The following RSAD2 variants were observed in gnomAD, a reference collection of about 807,000 sequenced individuals.
RSAD2 encodes the protein radical S-adenosyl methionine domain containing 2.
RSAD2 carries 38 observed loss-of-function variants against 37.7 expected under a neutral mutation model. That is an observed-to-expected ratio of 1.01 (90% CI 0.78 to 1.32). The LOEUF is 1.32. Ranked by LOEUF, RSAD2 falls within the 40% of genes most tolerant of loss-of-function variation. The probability of loss-of-function intolerance (pLI) is 0.00; values close to 1 mark genes in which losing one functional copy is unlikely to be tolerated. For missense variants in RSAD2, 428 were observed against 437.5 expected (o/e 0.98, Z 0.19); for synonymous variants, 163 against 157.4 (o/e 1.04, Z -0.27).
chr2:6,896,847 G>C lies in RSAD2; in HGVS notation c.*905G>C, dbSNP rs1461819288. 6.6e-6 allele frequency: 1 copy of C among 152,102 alleles called. No homozygotes were observed. Among genetic ancestry groups the C allele is most frequent in the Non-Finnish European group, 1.5e-5 (1 of 68,046 alleles). 9.4% of individuals were successfully genotyped at this position (152,102 alleles called of 1,614,324 possible). A position where few individuals can be genotyped will look rare whatever the true frequency, so the allele number is the denominator to read the frequency against. On this transcript the variant is annotated 3_prime_UTR_variant, in exon 6 of 6. Transcript: ENST00000382040. ...AGGCAGTGCTTGCATTGCTTTGTTC[G>C]CCTATCATCTGGCCACATGAGGCTG... is the stretch of plus-strand genomic sequence containing the variant.
chr2:6,893,315 T>C (rs186814826), intron 4 of RSAD2, among the ~76,000 whole-genome samples: 3 of 152,262 alleles, frequency 2.0e-5, no homozygotes, highest in Admixed American at 2.0e-4. Flanking sequence ...AGAAATTAGA[T>C]ACATGGTGGA....
At chr2:6,875,406 T>A (rs148624097), upstream of RSAD2, among the ~76,000 whole-genome samples, 14 of 152,302 alleles carry the variant, frequency 9.2e-5, no homozygotes, top group African/African-American at 3.1e-4. Flanking sequence ...AGAGCTCTGG[T>A]CAACACTGGG....
Position 6,889,643 on chromosome 2 carries a change from G to A in RSAD2, c.739-533G>A, listed in dbSNP as rs137910026. On this transcript the variant is annotated intron_variant, in intron 3 of 5. Transcript: ENST00000382040. ...TTTTATTTTCAAATGATGGTAGTAT[G>A]TATAGAATAATACACTGTCCACACT... is the stretch of plus-strand genomic sequence containing the variant. 5.1e-3 allele frequency among the ~76,000 whole-genome samples: 773 copies of A among 152,258 alleles called. 3 individuals are homozygous for A. Among genetic ancestry groups the A allele is most frequent in the Non-Finnish European group, 8.4e-3 (572 of 68,024 alleles).
chr2:6,890,105 G>C lies in RSAD2; in HGVS notation c.739-71G>C, dbSNP rs1380148882. 4.9e-5 allele frequency: 72 copies of C among 1,455,730 alleles called. 1 individual carries two copies. The South Asian group carries it at 8.7e-4, about 18-fold the overall frequency. The allele number at this position is 1,455,730 out of a possible 1,614,324, so 90.2% of individuals were successfully genotyped here. ...GCTCAGAAGAGATGAAGCTTGAAAA[G>C]GGGGAGTGAGGTTTGGGGGAAAACA... On this transcript the variant is annotated intron_variant, in intron 3 of 5. Transcript: ENST00000382040.
chr2:6,872,699 A>C (rs1663220873), intron 1 of RSAD2, among the ~76,000 whole-genome samples: 1 of 152,192 alleles, frequency 6.6e-6, no homozygotes, highest in South Asian at 2.1e-4. Context: ...CATAAGCTGC[A>C]TGAAAAGAAA....
upstream of RSAD2, among the ~76,000 whole-genome samples, chr2:6,874,398 A>G (rs1253221607): frequency 6.6e-6 from 1 of 152,232 alleles, no homozygotes; most frequent in Admixed American, 6.5e-5. Flanking sequence ...ATGATTATTT[A>G]GTTTAATGAT....
rs1208784009 is a variant in RSAD2 at position 6,896,534 on chromosome 2, T to TTC, written c.*593_*594insCT. 1.3e-5 allele frequency: 2 copies of TTC among 148,490 alleles called. No individual in the cohort carries two copies. The highest frequency in any genetic ancestry group is 1.9e-4 in the East Asian group (1 of 5,130). The allele number at this position is 148,490 out of a possible 1,614,324, so 9.2% of individuals were successfully genotyped here. A position where few individuals can be genotyped will look rare whatever the true frequency, so the allele number is the denominator to read the frequency against. Reference sequence around the variant, plus strand: ...AATTATTTCTGCTGGTTATAATGCTTTTTTTTTTTTGCCTTTATGCCATTG... The same window carrying TTC: ...AATTATTTCTGCTGGTTATAATGCTTTCTTTTTTTTTTGCCTTTATGCCATTG... On this transcript the variant is annotated 3_prime_UTR_variant, in exon 6 of 6. Coordinates refer to ENST00000382040, the MANE Select transcript of RSAD2 (RefSeq NM_080657.5).
upstream of RSAD2, chr2:6,876,779 T>C (rs1663289230): frequency 6.6e-6 from 1 of 152,228 alleles, no homozygotes; most frequent in African/African-American, 2.4e-5. Context: ...TGCCAGGCAC[T>C]ATTCTGAATT....
chr2:6,865,886 T>C, exon 1 of RSAD2: 1 of 1,402,756 alleles, frequency 7.1e-7, no homozygotes, highest in Admixed American at 2.9e-5. Flanking sequence ...CCTTCCGGCC[T>C]CTCCTCCTCG....
intron 1 of RSAD2, among the ~76,000 whole-genome samples, 179 bp from the exon 2 acceptor site, chr2:6,883,192 C>T (rs190988446): frequency 7.9e-5 from 12 of 152,224 alleles, no homozygotes; most frequent in Middle Eastern, 3.4e-3. Flanking sequence ...GTTTAGATCC[C>T]GAATTAAACA....
chr2:6,876,177 CA>C (rs774292103), upstream of RSAD2, among the ~76,000 whole-genome samples: 48 of 152,288 alleles, frequency 3.2e-4, no homozygotes, highest in Non-Finnish European at 5.3e-4. Context: ...AAAACAGCTT[CA>C]AAAAGCCTCC....
At position 6,890,209 on chromosome 2, in the gene RSAD2, T is replaced by G. The variant is rs1222511617; in HGVS notation, c.772T>G (p.Cys258Gly). ...FQCLLIEGEN[C>G]GEDALREAER... ...GTGCCTCTTAATTGAGGGTGAGAATTGTGGAGAAGATGCTCTAAGAGAAGC... is the reference window on the plus strand; with the variant it reads ...GTGCCTCTTAATTGAGGGTGAGAATGGTGGAGAAGATGCTCTAAGAGAAGC... Residue 258 changes from cysteine (C) to glycine (G), a missense_variant, in exon 4 of 6, where the codon TGT becomes GGT. By Grantham distance (159) the Cys-to-Gly change is radical (BLOSUM62 -3). Transcript: ENST00000382040. 4 of 1,614,128 alleles carry G rather than the reference T, an allele frequency of 2.5e-6. No homozygotes were observed. The highest frequency in any genetic ancestry group is 3.4e-6 in the Non-Finnish European group (4 of 1,180,002).
At chr2:6,894,353 C>T (rs1663695790) in intron 5 of RSAD2, among the ~76,000 whole-genome samples, 1 of 152,114 alleles carries the variant, frequency 6.6e-6, no homozygotes, top group Admixed American at 6.5e-5. Context: ...CAAATAATTC[C>T]ATTTGAAGAC....
intron 1 of RSAD2, 76 bp downstream of exon 1, chr2:6,878,222 G>T (rs1663327377): frequency 8.1e-7 from 1 of 1,240,726 alleles, no homozygotes; most frequent in Non-Finnish European, 1.1e-6. Context: ...GGGGCTGGGG[G>T]TATGCACAAG....
chr2:6,876,964 C>T (rs185467707), upstream of RSAD2: 1 of 152,166 alleles, frequency 6.6e-6, no homozygotes, highest in Admixed American at 6.5e-5. Context: ...ACAGGTGTCA[C>T]GAAAGCACAA....
intron 4 of RSAD2, among the ~76,000 whole-genome samples, chr2:6,893,087 G>A (rs181635226): frequency 3.3e-5 from 5 of 152,202 alleles, no homozygotes; most frequent in African/African-American, 4.8e-5. Context: ...TTGCTATCTG[G>A]CCCTTTACAG....
At chr2:6,876,100 A>G (rs1016907951), upstream of RSAD2, among the ~76,000 whole-genome samples, 2 of 152,154 alleles carry the variant, frequency 1.3e-5, no homozygotes, top group African/African-American at 2.4e-5. Flanking sequence ...CACTTTCCAC[A>G]GGGTAAATAC....
At chr2:6,891,728 T>G (rs1162460157) in intron 4 of RSAD2, among the ~76,000 whole-genome samples, 2 of 152,112 alleles carry the variant, frequency 1.3e-5, no homozygotes, top group Admixed American at 1.3e-4. Context: ...GATCGCTCAC[T>G]GCAGTCCAGC....
chr2:6,891,816 C>T (rs1663637513), intron 4 of RSAD2, among the ~76,000 whole-genome samples: 1 of 152,036 alleles, frequency 6.6e-6, no homozygotes, highest in Non-Finnish European at 1.5e-5. Flanking sequence ...TAAAGATAGC[C>T]TGTCATTCAG....
Sources: gnomAD v4.1 joint callset for allele counts (sites outside exome capture counted in the v4.1 genomes callset) on GRCh38, gnomAD v4.1.1 for gene constraint, MANE v1.5 for transcripts, NCBI Gene and HGNC (gene_info 2026-07-23, HGNC 2026-07-21) for gene names.